The following SORBS2 variants were observed in gnomAD, a reference collection of about 807,000 sequenced individuals.
SORBS2 encodes the protein sorbin and SH3 domain-containing protein 2.
A neutral mutation model predicts 97.7 loss-of-function variants in SORBS2; 46 were observed. The observed-to-expected ratio is 0.47, with a 90% CI of 0.37 to 0.60. The LOEUF (loss-of-function observed/expected upper bound fraction) is 0.60. Ranked by LOEUF, SORBS2 falls within the 20% of genes least tolerant of loss-of-function variation. SORBS2 has a pLI of 0.00. For missense variants in SORBS2, 1,316 were observed against 1,282.3 expected (o/e 1.03, Z -0.40); for synonymous variants, 476 against 473.4 (o/e 1.01, Z -0.07).
intron 4 of SORBS2, among the ~76,000 whole-genome samples, chr4:185,664,149 C>A (rs1009970639): frequency 6.6e-6 from 1 of 152,008 alleles, no homozygotes; most frequent in Non-Finnish European, 1.5e-5. Context: ...CCACCGCGCC[C>A]GGCCTAGATT....
At chr4:185,850,270 C>A (rs1247493478) in intron 1 of SORBS2, among the ~76,000 whole-genome samples, 1 of 152,216 alleles carries the variant, frequency 6.6e-6, no homozygotes, top group African/African-American at 2.4e-5. Flanking sequence ...GAAAAACACA[C>A]AACTCCCTGA....
intron 3 of SORBS2, 35 bp downstream of exon 12, chr4:185,649,432 C>T (rs377378838): frequency 9.4e-5 from 141 of 1,503,942 alleles, no homozygotes; most frequent in South Asian, 1.7e-4. Context: ...TTATCCTAAG[C>T]GAAACATAGG....
At chr4:185,722,525 G>A (rs1056952640) in intron 2 of SORBS2, among the ~76,000 whole-genome samples, 1 of 152,146 alleles carries the variant, frequency 6.6e-6, no homozygotes, top group Non-Finnish European at 1.5e-5. Flanking sequence ...ATCACTTCAG[G>A]CTTTGCAGAA....
intron 6 of SORBS2, among the ~76,000 whole-genome samples, chr4:185,626,236 A>T (rs2096810644): frequency 6.6e-6 from 1 of 152,240 alleles, no homozygotes; most frequent in African/African-American, 2.4e-5. Flanking sequence ...GTTTGGGACC[A>T]ATTAGTCCTG....
chr4:185,820,489 C>G (rs572724319), intron 1 of SORBS2, among the ~76,000 whole-genome samples: 1 of 152,280 alleles, frequency 6.6e-6, no homozygotes, highest in East Asian at 1.9e-4. Context: ...AAGGGGCTGC[C>G]AGGGCAGGGC....
At chr4:185,642,000 T>C (rs2097134733) in intron 4 of SORBS2, among the ~76,000 whole-genome samples, 1 of 152,242 alleles carries the variant, frequency 6.6e-6, no homozygotes, top group Non-Finnish European at 1.5e-5. Flanking sequence ...GTGCTTTCTA[T>C]ACGTTGTTCT....
chr4:185,861,193 A>C (rs994988645), intron 1 of SORBS2, among the ~76,000 whole-genome samples: 5 of 151,962 alleles, frequency 3.3e-5, no homozygotes, highest in Middle Eastern at 3.4e-3. Flanking sequence ...CAAAGGTAGG[A>C]GGGTATAAGG....
intron 2 of SORBS2, among the ~76,000 whole-genome samples, chr4:185,690,338 G>A (rs1158776619): frequency 2.0e-5 from 3 of 152,142 alleles, no homozygotes; most frequent in Non-Finnish European, 4.4e-5. Context: ...TGTGATTAGA[G>A]AAAAAGGGAG....
chr4:185,698,305 T>C (rs2098207909), intron 2 of SORBS2, among the ~76,000 whole-genome samples: 2 of 152,074 alleles, frequency 1.3e-5, no homozygotes, highest in African/African-American at 2.4e-5. Flanking sequence ...ACGAAACCCC[T>C]GCCTCTACTA....
At chr4:185,935,921 G>A (rs143543976) in intron 1 of SORBS2, among the ~76,000 whole-genome samples, 43 of 152,210 alleles carry the variant, frequency 2.8e-4, no homozygotes, top group African/African-American at 9.6e-4. Flanking sequence ...GTATGATCTC[G>A]GCTCACTGCA....
chr4:185,712,774 C>T (rs547869109), intron 2 of SORBS2, among the ~76,000 whole-genome samples: 26 of 152,310 alleles, frequency 1.7e-4, no homozygotes, highest in African/African-American at 6.3e-4. Flanking sequence ...TGGTGCACTC[C>T]CTCCTGTGAG....
chr4:185,848,436 C>T (rs2099215795), intron 1 of SORBS2, among the ~76,000 whole-genome samples: 1 of 152,106 alleles, frequency 6.6e-6, no homozygotes, highest in Non-Finnish European at 1.5e-5. Context: ...TCAACAACTG[C>T]TGTGACTGAT....
chr4:185,618,549 A>G (rs1225299408), intron 9 of SORBS2, 36 bp downstream of exon 21: 3 of 1,248,732 alleles, frequency 2.4e-6, no homozygotes, highest in Non-Finnish European at 3.3e-6. Flanking sequence ...ATTTAAAACC[A>G]CCTTAAATCA....
chr4:185,705,460 C>T (rs551004002), intron 2 of SORBS2, among the ~76,000 whole-genome samples: 22 of 152,098 alleles, frequency 1.4e-4, no homozygotes, highest in African/African-American at 3.4e-4. Context: ...GCAGGAGAAT[C>T]GCTTGAACCG....
chr4:185,618,351 C>A (rs1482971181), intron 9 of SORBS2, among the ~76,000 whole-genome samples: 1 of 152,166 alleles, frequency 6.6e-6, no homozygotes, highest in East Asian at 1.9e-4. Flanking sequence ...TTTTTCCTAT[C>A]CTTTAGAATT....
intron 1 of SORBS2, among the ~76,000 whole-genome samples, chr4:185,817,317 G>C (rs1187709637): frequency 4.6e-5 from 7 of 152,116 alleles, no homozygotes; most frequent in African/African-American, 1.7e-4. Flanking sequence ...AAGTACTCCT[G>C]GCTTTTATTA....
intron 1 of SORBS2, among the ~76,000 whole-genome samples, chr4:185,945,209 G>T (rs1379123063): frequency 6.6e-6 from 1 of 152,166 alleles, no homozygotes; most frequent in African/African-American, 2.4e-5. Context: ...ATTTGATTCT[G>T]TCAACTTGTT....
At chr4:185,681,527 G>T (rs2097866805) in intron 2 of SORBS2, among the ~76,000 whole-genome samples, 1 of 151,790 alleles carries the variant, frequency 6.6e-6, no homozygotes, top group Admixed American at 6.6e-5. Context: ...AGGACTAGGG[G>T]CCAGAGTCCT....
chr4:185,759,492 T>C (rs2098851969), intron 2 of SORBS2, among the ~76,000 whole-genome samples: 1 of 152,176 alleles, frequency 6.6e-6, no homozygotes, highest in Non-Finnish European at 1.5e-5. Flanking sequence ...ATTGCATATT[T>C]AACGGGTAGG....
Sources: allele counts gnomAD v4.1 joint callset (sites outside exome capture counted in the v4.1 genomes callset), GRCh38; gene constraint gnomAD v4.1.1; transcripts MANE v1.5; gene names NCBI Gene and HGNC (gene_info 2026-07-23, HGNC 2026-07-21).